The following ZFPM2 variants were observed in gnomAD, a reference collection of about 807,000 sequenced individuals.
ZFPM2 encodes zinc finger protein ZFPM2.
In ZFPM2, 20 loss-of-function variants were observed where a neutral mutation model predicts 98.6. The ratio of observed to expected loss-of-function variants is 0.20; its 90% CI spans 0.14 to 0.29. The LOEUF (loss-of-function observed/expected upper bound fraction) is 0.29. ZFPM2 is among the 10% of genes least tolerant of loss of function. The pLI is 1.00. For synonymous variants in ZFPM2, 518 were observed against 502.7 expected, an observed-to-expected ratio of 1.03 and a Z score of -0.41; for missense variants, 1,310 against 1,388.6, an observed-to-expected ratio of 0.94 and a Z score of 0.90.
chr8:105,398,905 C>T (rs1043231508), intron 1 of ZFPM2, among the ~76,000 whole-genome samples: 3 of 152,150 alleles, frequency 2.0e-5, no homozygotes, highest in African/African-American at 7.2e-5. Context: ...GATAGACTGG[C>T]TGAGGCAGTG....
chr8:105,783,210 G>GTTTT (rs753557703), intron 5 of ZFPM2, among the ~76,000 whole-genome samples: 24 of 88,942 alleles, frequency 2.7e-4, no homozygotes, highest in Admixed American at 8.1e-4. Context: ...TTTCTTTATG[G>GTTTT]TTTTTTTTTT....
intron 4 of ZFPM2, among the ~76,000 whole-genome samples, chr8:105,613,466 TA>T (rs1050374500): frequency 6.6e-6 from 1 of 151,964 alleles, no homozygotes; most frequent in African/African-American, 2.4e-5. Context: ...ACAAATGTGG[TA>T]AAAAAAATAC....
Position 105,640,092 on chromosome 8 carries a change from C to T in ZFPM2, c.532+5735C>T, listed in dbSNP as rs138331622. 6.1e-4 allele frequency among the ~76,000 whole-genome samples: 93 copies of T among 151,986 alleles called. 1 individual carries two copies. Among genetic ancestry groups the T allele is most frequent in the Non-Finnish European group, 5.9e-4 (40 of 67,884 alleles). On this transcript the variant is annotated intron_variant, in intron 5 of 7. Coordinates refer to ENST00000407775, the MANE Select transcript of ZFPM2 (RefSeq NM_012082.4). ...TGCTTACAATACAAATTCATGATAT[C>T]GAAACAGTGCTTTTCCCATTTTACA... is the stretch of plus-strand genomic sequence containing the variant.
chr8:105,721,446 G>T (rs930666259), intron 5 of ZFPM2, among the ~76,000 whole-genome samples: 7 of 151,836 alleles, frequency 4.6e-5, no homozygotes, highest in Non-Finnish European at 7.4e-5. Context: ...CACAAAAACA[G>T]AAAGTTTATC....
chr8:105,431,738 C>T (rs1403018698), intron 2 of ZFPM2, among the ~76,000 whole-genome samples: 3 of 151,392 alleles, frequency 2.0e-5, no homozygotes, highest in Non-Finnish European at 4.4e-5. Flanking sequence ...CATAGGGAGA[C>T]CTCATCTCTA....
chr8:105,618,967 G>T (rs1563745395), intron 4 of ZFPM2, among the ~76,000 whole-genome samples: 1 of 151,922 alleles, frequency 6.6e-6, no homozygotes. Context: ...ACTTCATTTA[G>T]CAGTCAGAAA....
chr8:105,755,000 G>A (rs568322972), intron 5 of ZFPM2, among the ~76,000 whole-genome samples: 63 of 152,072 alleles, frequency 4.1e-4, no homozygotes, highest in African/African-American at 4.8e-4. Flanking sequence ...GCGCATGTGC[G>A]CATGCGTGTG....
chr8:105,340,056 G>T (rs1326257522), intron 1 of ZFPM2, among the ~76,000 whole-genome samples: 7 of 151,858 alleles, frequency 4.6e-5, no homozygotes, highest in African/African-American at 1.7e-4. Flanking sequence ...CATTTATTGA[G>T]CTTCTCTTAT....
intron 3 of ZFPM2, among the ~76,000 whole-genome samples, chr8:105,491,208 T>G (rs1813350060): frequency 6.6e-6 from 1 of 152,172 alleles, no homozygotes; most frequent in Non-Finnish European, 1.5e-5. Flanking sequence ...CTCTTGCTCA[T>G]GAAGTATCCT....
At chr8:105,687,228 A>G (rs908951157) in intron 5 of ZFPM2, among the ~76,000 whole-genome samples, 17 of 152,122 alleles carry the variant, frequency 1.1e-4, no homozygotes, top group Admixed American at 9.8e-4. Flanking sequence ...CTGCCAGCCT[A>G]TTCCCCTCCC....
In ZFPM2 at chr8:105,354,674, A is replaced by G. The variant is rs566408656; in HGVS notation, c.40+35693A>G. ...TTTTAGTACAAAACCACACACAGTA[A>G]AATGAGAAGCAACGCAATTTTGAGT... On this transcript the variant is annotated intron_variant, in intron 1 of 7. Coordinates refer to ENST00000407775, the MANE Select transcript of ZFPM2 (RefSeq NM_012082.4). Among the ~76,000 whole-genome samples the G allele has an allele frequency of 2.0e-5, 3 of 152,332 alleles. No homozygotes were observed. In the East Asian group the frequency reaches 5.8e-4, roughly 29 times the overall value.
intron 3 of ZFPM2, among the ~76,000 whole-genome samples, chr8:105,466,279 T>C (rs1268435108): frequency 1.3e-5 from 2 of 152,058 alleles, no homozygotes; most frequent in Non-Finnish European, 2.9e-5. Flanking sequence ...TTCAAAATCA[T>C]ATTTATGTGG....
Position 105,444,310 on chromosome 8 carries a change from A to C in ZFPM2, c.230A>C (p.Glu77Ala), listed in dbSNP as rs777185604. ...GDDEGIQETA[E>A]SDGDTQSEKP... Reference sequence around the variant, plus strand: ...GATGAAGGAATCCAGGAGACAGCAGAATCAGATGGGGACACACAGTCAGAG... The same window carrying C: ...GATGAAGGAATCCAGGAGACAGCAGCATCAGATGGGGACACACAGTCAGAG... Residue 77 changes from glutamate (E) to alanine (A), a missense_variant, in exon 3 of 8, where the codon GAA becomes GCA. Physicochemically the swap from Glu to Ala is moderately radical, Grantham distance 107. Coordinates refer to ENST00000407775, the MANE Select transcript of ZFPM2 (RefSeq NM_012082.4). 10 of 1,612,072 alleles carry C rather than the reference A, an allele frequency of 6.2e-6. No homozygotes were observed. The South Asian group carries it at 1.0e-4, about 16-fold the overall frequency.
chr8:105,485,295 TTTTG>T (rs373622425), intron 3 of ZFPM2, among the ~76,000 whole-genome samples: 19 of 147,294 alleles, frequency 1.3e-4, no homozygotes, highest in Admixed American at 9.3e-4. Context: ...GCTTGTTTTT[TTTTG>T]TTTGTTTGTT....
At chr8:105,747,008 G>A (rs1325630423) in intron 5 of ZFPM2, among the ~76,000 whole-genome samples, 1 of 151,528 alleles carries the variant, frequency 6.6e-6, no homozygotes, top group Non-Finnish European at 1.5e-5. Flanking sequence ...TAACACTGGG[G>A]GAAAAAAACT....
At chr8:105,438,521 G>C (rs1198878054) in intron 2 of ZFPM2, among the ~76,000 whole-genome samples, 1 of 152,078 alleles carries the variant, frequency 6.6e-6, no homozygotes, top group South Asian at 2.1e-4. Context: ...TATTCTTCCA[G>C]ACACACTCCT....
chr8:105,331,429 A>G (rs1408978200), intron 1 of ZFPM2, among the ~76,000 whole-genome samples: 4 of 151,618 alleles, frequency 2.6e-5, no homozygotes, highest in Non-Finnish European at 5.9e-5. Context: ...AAATAAGAAC[A>G]AGGAGGTTCC....
chr8:105,441,456 A>AG (rs1563659915), intron 2 of ZFPM2, among the ~76,000 whole-genome samples: 1,287 of 45,804 alleles, frequency 0.028, 213 homozygotes, highest in Admixed American at 0.088. Flanking sequence ...GAGAGAGAGA[A>AG]AGAAAGAAAG....
At chr8:105,406,363 G>A (rs1811459761) in intron 1 of ZFPM2, among the ~76,000 whole-genome samples, 1 of 152,024 alleles carries the variant, frequency 6.6e-6, no homozygotes, top group African/African-American at 2.4e-5. Flanking sequence ...AAGCAATGGG[G>A]AAAGGATTCC....
Sources: allele counts gnomAD v4.1 joint callset (sites outside exome capture counted in the v4.1 genomes callset), GRCh38; gene constraint gnomAD v4.1.1; transcripts MANE v1.5; gene names NCBI Gene and HGNC (gene_info 2026-07-23, HGNC 2026-07-21).